The following PLD5 variants were observed in gnomAD, a reference collection of about 807,000 sequenced individuals.
PLD5 encodes phospholipase D family member 5.
A neutral mutation model predicts 61.1 loss-of-function variants in PLD5; 36 were observed. The observed-to-expected ratio is 0.59, with a 90% CI of 0.45 to 0.78. The LOEUF (loss-of-function observed/expected upper bound fraction) is 0.78. Among genes scored for constraint, PLD5 ranks in the 30% least tolerant of loss-of-function variants. The pLI is 0.00. For synonymous variants in PLD5, 243 were observed against 242.8 expected, an observed-to-expected ratio of 1.00 and a Z score of -0.01; for missense variants, 515 against 644.4, an observed-to-expected ratio of 0.80 and a Z score of 2.17.
At chr1:242,322,719 TTCTC>T (rs1178994435) in intron 2 of PLD5, among the ~76,000 whole-genome samples, 6 of 152,132 alleles carry the variant, frequency 3.9e-5, no homozygotes, top group Non-Finnish European at 2.9e-5. Flanking sequence ...ACTTCACTCT[TTCTC>T]TCCTGCTGCC....
intron 1 of PLD5, among the ~76,000 whole-genome samples, chr1:242,477,253 A>C (rs918218910): frequency 6.6e-6 from 1 of 152,002 alleles, no homozygotes; most frequent in Admixed American, 6.6e-5. Context: ...TCTAACTCAA[A>C]AAAGAAAAAA....
chr1:242,245,231 A>G (rs988124107), intron 4 of PLD5, among the ~76,000 whole-genome samples: 1 of 152,220 alleles, frequency 6.6e-6, no homozygotes, highest in Non-Finnish European at 1.5e-5. Flanking sequence ...ATGTAAGGAA[A>G]CATCAAACCA....
rs951233734 is a variant in PLD5 at position 242,204,888 on chromosome 1, A to G, written c.735+15100T>C. 3.3e-5 allele frequency among the ~76,000 whole-genome samples: 5 copies of G among 152,228 alleles called. No individual in the cohort carries two copies. The East Asian group carries it at 9.6e-4, about 29-fold the overall frequency. On this transcript the variant is annotated intron_variant, in intron 5 of 9. Transcript: ENST00000536534. Reference sequence around the variant, plus strand: ...ACAAAGAGCTTAGTAACAGCCAAAAAAAAGAATAAGGCTGGCAAAACAGCA... The same window carrying G: ...ACAAAGAGCTTAGTAACAGCCAAAAGAAAGAATAAGGCTGGCAAAACAGCA...
intron 1 of PLD5, among the ~76,000 whole-genome samples, chr1:242,433,527 T>A (rs149506803): frequency 2.6e-5 from 4 of 152,356 alleles, no homozygotes; most frequent in African/African-American, 9.6e-5. Flanking sequence ...TAGTTATTCA[T>A]CTATTTATTC....
At chr1:242,116,421 A>G (rs1417810110) in intron 6 of PLD5, among the ~76,000 whole-genome samples, 1 of 152,092 alleles carries the variant, frequency 6.6e-6, no homozygotes, top group Non-Finnish European at 1.5e-5. Flanking sequence ...AAGAATTTCA[A>G]CTTTTATTTT....
intron 1 of PLD5, among the ~76,000 whole-genome samples, chr1:242,491,980 A>ACAATCCAT (rs1668168367): frequency 6.6e-6 from 1 of 152,244 alleles, no homozygotes; most frequent in Admixed American, 6.5e-5. Context: ...CTTGAAATTC[A>ACAATCCAT]CAATCCATCT....
At chr1:242,133,130 CA>C (rs1291157703) in intron 5 of PLD5, among the ~76,000 whole-genome samples, 1 of 151,744 alleles carries the variant, frequency 6.6e-6, no homozygotes, top group Non-Finnish European at 1.5e-5. Context: ...TCACGCTGGT[CA>C]GGGGCCTAGT....
chr1:242,455,046 G>A (rs747311708), intron 1 of PLD5, among the ~76,000 whole-genome samples: 4 of 152,066 alleles, frequency 2.6e-5, no homozygotes, highest in African/African-American at 4.8e-5. Context: ...TAAAAATACG[G>A]GCGTAAATGC....
chr1:242,509,682 T>C (rs1572267359), intron 1 of PLD5, among the ~76,000 whole-genome samples: 2 of 152,196 alleles, frequency 1.3e-5, no homozygotes, highest in African/African-American at 4.8e-5. Context: ...TTTTGTAACA[T>C]TCCCTAGAGT....
intron 5 of PLD5, among the ~76,000 whole-genome samples, chr1:242,191,701 G>A (rs80250692): frequency 1.3e-5 from 2 of 152,252 alleles, no homozygotes; most frequent in East Asian, 3.9e-4. Context: ...GATTAGGACA[G>A]ATAGAATGCT....
intron 2 of PLD5, among the ~76,000 whole-genome samples, chr1:242,327,133 G>A (rs570650106): frequency 1.3e-5 from 2 of 152,052 alleles, no homozygotes; most frequent in East Asian, 3.9e-4. Flanking sequence ...CCAAAGTGCT[G>A]GGATTACAAG....
intron 2 of PLD5, among the ~76,000 whole-genome samples, chr1:242,316,330 C>T (rs918213989): frequency 3.3e-4 from 50 of 152,248 alleles, no homozygotes; most frequent in African/African-American, 1.2e-3. Flanking sequence ...AGTGGAGGGG[C>T]TCCTTCAGGA....
At chr1:242,523,870 A>G (rs1432305481) in intron 1 of PLD5, among the ~76,000 whole-genome samples, 1 of 152,176 alleles carries the variant, frequency 6.6e-6, no homozygotes, top group Non-Finnish European at 1.5e-5. Flanking sequence ...GGCAGGGACC[A>G]AGAGCCTGAA....
Position 242,461,846 on chromosome 1 carries a change from G to A in PLD5, c.189+62242C>T, listed in dbSNP as rs74620967. ...TTGCATTTCTCTGATGATTAGAGAC[G>A]CTAAGCATTTTTCCATGTTTGTCTT... On this transcript the variant is annotated intron_variant, in intron 1 of 9. Coordinates refer to ENST00000536534, the MANE Select transcript of PLD5 (RefSeq NM_001372062.1). Among the ~76,000 whole-genome samples the A allele has an allele frequency of 6.8e-3, 1,042 of 152,220 alleles. 15 individuals carry two copies. The highest frequency in any genetic ancestry group is 0.024 in the African/African-American group (1,005 of 41,542).
At position 242,118,734 on chromosome 1, in the gene PLD5, C is replaced by T. The variant is rs930630129; in HGVS notation, c.934-4708G>A. On this transcript the variant is annotated intron_variant, in intron 6 of 9. Coordinates refer to ENST00000536534, the MANE Select transcript of PLD5 (RefSeq NM_001372062.1). ...GACACAATGGCAGGTGCTCCAGCTC[C>T]ATGTGTTTATGAAGGAAATGCATAA... is the stretch of plus-strand genomic sequence containing the variant. 3.0e-4 allele frequency among the ~76,000 whole-genome samples: 45 copies of T among 152,274 alleles called. 2 individuals carry two copies. Among genetic ancestry groups the T allele is most frequent in the African/African-American group, 1.1e-3 (45 of 41,564 alleles).
chr1:242,528,843 A>G (rs1669496891), upstream of PLD5, among the ~76,000 whole-genome samples: 1 of 152,174 alleles, frequency 6.6e-6, no homozygotes, highest in Non-Finnish European at 1.5e-5. Context: ...TCAAATATAT[A>G]CTTCTTAGCA....
At chr1:242,114,612 G>C (rs867061007) in intron 6 of PLD5, among the ~76,000 whole-genome samples, 1 of 152,194 alleles carries the variant, frequency 6.6e-6, no homozygotes, top group Non-Finnish European at 1.5e-5. Flanking sequence ...CCCCTTGCTC[G>C]CGTCACCGCC....
chr1:242,368,949 C>A (rs1661487478), intron 1 of PLD5, among the ~76,000 whole-genome samples: 1 of 152,162 alleles, frequency 6.6e-6, no homozygotes, highest in African/African-American at 2.4e-5. Flanking sequence ...TTTCTATCTC[C>A]TGTGTCACCA....
chr1:242,304,978 T>C (rs993322129), intron 2 of PLD5, among the ~76,000 whole-genome samples: 3 of 152,112 alleles, frequency 2.0e-5, no homozygotes, highest in African/African-American at 7.2e-5. Context: ...TGGTGGAGCA[T>C]ACCTGTAGTC....
Sources: allele counts gnomAD v4.1 joint callset (sites outside exome capture counted in the v4.1 genomes callset), GRCh38; gene constraint gnomAD v4.1.1; transcripts MANE v1.5; gene names NCBI Gene and HGNC (gene_info 2026-07-23, HGNC 2026-07-21).